PRKG1: variants seen among roughly 807,000 people sequenced by gnomAD.
The protein encoded by PRKG1 is cGMP-dependent protein kinase 1.
Under a neutral mutation model 88.1 loss-of-function variants are expected in PRKG1, and 35 were observed. That is an observed-to-expected ratio of 0.40 (90% CI 0.30 to 0.53). The LOEUF (loss-of-function observed/expected upper bound fraction) is 0.53, where lower values mean the gene tolerates loss of function less well. Among genes scored for constraint, PRKG1 ranks in the 20% least tolerant of loss-of-function variants. The probability of loss-of-function intolerance (pLI) is 0.59; values close to 1 mark genes in which losing one functional copy is unlikely to be tolerated. For missense variants in PRKG1, 540 were observed against 839.8 expected (o/e 0.64, Z 4.41); for synonymous variants, 303 against 292.5 (o/e 1.04, Z -0.37).
At chr10:51,728,194 A>C (rs1842180454) in intron 3 of PRKG1, among the ~76,000 whole-genome samples, 1 of 151,992 alleles carries the variant, frequency 6.6e-6, no homozygotes, top group Non-Finnish European at 1.5e-5. Context: ...ATTAAATTTG[A>C]GATTTTTTTT....
At chr10:51,560,302 G>A (rs1837425135) in intron 3 of PRKG1, among the ~76,000 whole-genome samples, 1 of 152,068 alleles carries the variant, frequency 6.6e-6, no homozygotes, top group Non-Finnish European at 1.5e-5. Context: ...GAATGTTGAT[G>A]ATCTAAAAAT....
chr10:51,928,192 A>G (rs1371279461), intron 5 of PRKG1, among the ~76,000 whole-genome samples: 5 of 152,196 alleles, frequency 3.3e-5, no homozygotes, highest in Non-Finnish European at 7.4e-5. Flanking sequence ...AAAAGTGTTA[A>G]TAAAGAACAA....
chr10:52,069,775 AT>A (rs1846450093), intron 7 of PRKG1, among the ~76,000 whole-genome samples: 1 of 151,960 alleles, frequency 6.6e-6, no homozygotes, highest in Non-Finnish European at 1.5e-5. Flanking sequence ...TATGTCTATA[AT>A]TTATTGTGTA....
chr10:51,607,804 G>A (rs1838806562), intron 3 of PRKG1, among the ~76,000 whole-genome samples: 1 of 152,142 alleles, frequency 6.6e-6, no homozygotes, highest in South Asian at 2.1e-4. Flanking sequence ...ATTAGAGGAG[G>A]AGTGTAGAGA....
intron 1 of PRKG1, among the ~76,000 whole-genome samples, chr10:51,085,827 A>G (rs1400658305): frequency 6.6e-6 from 1 of 152,212 alleles, no homozygotes; most frequent in African/African-American, 2.4e-5. Flanking sequence ...ATACACTTGT[A>G]TGAGCAGTGT....
At chr10:52,067,037 A>G (rs1156369309) in intron 7 of PRKG1, among the ~76,000 whole-genome samples, 1 of 152,078 alleles carries the variant, frequency 6.6e-6, no homozygotes, top group South Asian at 2.1e-4. Context: ...TTGCATTTCA[A>G]TATTTTTCAC....
intron 1 of PRKG1, among the ~76,000 whole-genome samples, chr10:51,010,652 A>G (rs1247133085): frequency 6.6e-6 from 1 of 152,192 alleles, no homozygotes; most frequent in Non-Finnish European, 1.5e-5. Flanking sequence ...CAGTAAGTTG[A>G]ACTGAAGATG....
At chr10:51,491,297 G>T (rs1011788215) in intron 3 of PRKG1, among the ~76,000 whole-genome samples, 18 of 152,032 alleles carry the variant, frequency 1.2e-4, no homozygotes, top group African/African-American at 4.3e-4. Flanking sequence ...CAACCACTTT[G>T]AGATACACTA....
chr10:51,561,487 C>T (rs558447138), intron 3 of PRKG1, among the ~76,000 whole-genome samples: 1 of 152,250 alleles, frequency 6.6e-6, no homozygotes, highest in African/African-American at 2.4e-5. Context: ...AAGTGCTTGA[C>T]ACACATTATG....
At chr10:50,993,817 G>GT (rs2132707971) in intron 1 of PRKG1, among the ~76,000 whole-genome samples, 1 of 152,346 alleles carries the variant, frequency 6.6e-6, no homozygotes, top group Admixed American at 6.5e-5. Context: ...ATGAAAGGAG[G>GT]TGTTTTGTTG....
At chr10:51,054,046 G>A (rs575107325) in intron 1 of PRKG1, among the ~76,000 whole-genome samples, 1 of 152,062 alleles carries the variant, frequency 6.6e-6, no homozygotes, top group South Asian at 2.1e-4. Context: ...ACATTAAAAT[G>A]TTTCCTTTTT....
intron 5 of PRKG1, among the ~76,000 whole-genome samples, chr10:52,008,387 A>G (rs1199201741): frequency 6.6e-6 from 1 of 152,110 alleles, no homozygotes; most frequent in Non-Finnish European, 1.5e-5. Context: ...TTAGACTAAT[A>G]AAGAGAAGAA....
intron 4 of PRKG1, among the ~76,000 whole-genome samples, chr10:51,842,659 A>T (rs951038683): frequency 1.3e-5 from 2 of 152,172 alleles, no homozygotes. Context: ...TTAGATAACA[A>T]AATTATGTGT....
chr10:52,106,857 A>G (rs1057003654), intron 7 of PRKG1, among the ~76,000 whole-genome samples: 2 of 152,062 alleles, frequency 1.3e-5, no homozygotes, highest in African/African-American at 4.8e-5. Context: ...CCTTTATTAT[A>G]GTGATATTTC....
intron 2 of PRKG1, among the ~76,000 whole-genome samples, chr10:51,359,612 T>TA (rs903605611): frequency 2.9e-4 from 44 of 151,370 alleles, no homozygotes; most frequent in African/African-American, 9.2e-4. Context: ...TCTTTACCAG[T>TA]AAAAAAAAGG....
intron 1 of PRKG1, among the ~76,000 whole-genome samples, chr10:51,061,212 G>A (rs1843689100): frequency 2.0e-5 from 3 of 152,128 alleles, no homozygotes; most frequent in South Asian, 4.1e-4. Context: ...GGTGGAAGAC[G>A]AAGGAAGAGC....
At chr10:51,084,274 A>C (rs2131854431) in intron 1 of PRKG1, among the ~76,000 whole-genome samples, 1 of 152,274 alleles carries the variant, frequency 6.6e-6, no homozygotes, top group Admixed American at 6.5e-5. Context: ...ACATGACCAA[A>C]AACATGTGTT....
chr10:52,124,220 T>C (rs1847882151), intron 7 of PRKG1, among the ~76,000 whole-genome samples: 1 of 152,158 alleles, frequency 6.6e-6, no homozygotes, highest in Non-Finnish European at 1.5e-5. Flanking sequence ...GAGAAATGCA[T>C]CTTTAGGCAG....
At chr10:51,699,561 T>C (rs1589214100) in intron 3 of PRKG1, 1 of 1,601,402 alleles carries the variant, frequency 6.2e-7, no homozygotes, top group South Asian at 1.1e-5. Context: ...ATTCCGGTTG[T>C]GCAGACAGCC....
Sources: gnomAD v4.1 joint callset for allele counts (sites outside exome capture counted in the v4.1 genomes callset) on GRCh38, gnomAD v4.1.1 for gene constraint, MANE v1.5 for transcripts, NCBI Gene and HGNC (gene_info 2026-07-23, HGNC 2026-07-21) for gene names.